The following PLSCR4 variants were observed in gnomAD, a reference collection of about 807,000 sequenced individuals.
PLSCR4 encodes Ca(2+)-dependent phospholipid scramblase 4.
PLSCR4 carries 25 observed loss-of-function variants against 36.3 expected under a neutral mutation model. The observed-to-expected ratio is 0.69, with a 90% CI of 0.50 to 0.96. PLSCR4 has a LOEUF of 0.96. Ranked by LOEUF, PLSCR4 falls within the 40% of genes least tolerant of loss-of-function variation. The probability of loss-of-function intolerance (pLI) is 0.00; values close to 1 mark genes in which losing one functional copy is unlikely to be tolerated. For missense variants in PLSCR4, 408 were observed against 414.7 expected (o/e 0.98, Z 0.14); for synonymous variants, 122 against 132.9 (o/e 0.92, Z 0.56).
chr3:146,211,125 A>C (rs796752103), intron 3 of PLSCR4, among the ~76,000 whole-genome samples: 4 of 152,162 alleles, frequency 2.6e-5, no homozygotes, highest in African/African-American at 9.6e-5. Flanking sequence ...TCCATTATTA[A>C]CTGCCAAACT....
chr3:146,231,052 T>C (rs558077116), intron 1 of PLSCR4, among the ~76,000 whole-genome samples: 6 of 152,110 alleles, frequency 3.9e-5, no homozygotes, highest in Admixed American at 3.3e-4. Context: ...TTGGTGTCTA[T>C]TGTTCTCCTC....
intron 6 of PLSCR4, among the ~76,000 whole-genome samples, chr3:146,197,351 G>A (rs1012654170): frequency 6.6e-6 from 1 of 152,146 alleles, no homozygotes; most frequent in African/African-American, 2.4e-5. Flanking sequence ...ACTTGGAGAT[G>A]AGGGGAACCT....
intron 4 of PLSCR4, among the ~76,000 whole-genome samples, 189 bp from the exon 5 acceptor site, chr3:146,201,266 G>A (rs1027670009): frequency 8.5e-5 from 13 of 152,096 alleles, no homozygotes; most frequent in African/African-American, 3.1e-4. Flanking sequence ...ATGGATATTA[G>A]CAGAGTTGTC....
Position 146,194,408 on chromosome 3 carries a change from T to C in PLSCR4, c.*3A>G. 1 of 1,605,516 alleles carries C rather than the reference T, an allele frequency of 6.2e-7. No individual in the cohort carries two copies. Among genetic ancestry groups the C allele is most frequent in the Non-Finnish European group, 8.5e-7 (1 of 1,172,482 alleles). ...ACCATAGTTGATGGCTTGCTGTGTC[T>C]CTCTATCTTGAACGTTGTGGTGGAG... On this transcript the variant is annotated 3_prime_UTR_variant, in exon 9 of 9. Transcript: ENST00000354952.
chr3:146,246,961 T>G (rs2036364257), intron 1 of PLSCR4, among the ~76,000 whole-genome samples: 1 of 152,192 alleles, frequency 6.6e-6, no homozygotes, highest in African/African-American at 2.4e-5. Flanking sequence ...AGATTTTTTT[T>G]CCTCCAATAG....
rs550029243 is a variant in PLSCR4 at position 146,207,143 on chromosome 3, C to T, written c.119-382G>A. 3.5e-4 allele frequency among the ~76,000 whole-genome samples: 54 copies of T among 152,196 alleles called. No individual in the cohort carries two copies. The South Asian group carries it at 0.011, about 30-fold the overall frequency. ...CGTATTAATTACTAACGTATAATTA[C>T]TAACATATAATTACTCCTGCAAATT... On this transcript the variant is annotated intron_variant, in intron 3 of 8. Coordinates refer to ENST00000354952, the MANE Select transcript of PLSCR4 (RefSeq NM_020353.3).
At chr3:146,229,180 A>C (rs949585400) in intron 1 of PLSCR4, among the ~76,000 whole-genome samples, 1 of 152,226 alleles carries the variant, frequency 6.6e-6, no homozygotes, top group African/African-American at 2.4e-5. Context: ...ATTTGCAAGT[A>C]ATAGCAGTGT....
rs142311556 is a variant in PLSCR4 at position 146,220,906 on chromosome 3, A to T, written c.27T>A (p.Pro9=). 3.4e-4 allele frequency: 556 copies of T among 1,612,976 alleles called. No homozygotes were observed. The African/African-American group carries it at 6.3e-3, about 18-fold the overall frequency. The stretch of plus-strand genomic sequence containing the variant: ...TTTCCATTTCACCTGCAGGCTGTTC[A>T]GGGGCTGTGGGTACCACACCTTCAG... MSGVVPTA[P]EQPAGEMENQ... The change falls in exon 3 of 9, where the codon CCT becomes CCA. Residue 9 remains proline, a synonymous_variant. Coordinates refer to ENST00000354952, the MANE Select transcript of PLSCR4 (RefSeq NM_020353.3).
At chr3:146,232,634 C>T (rs181622995) in intron 1 of PLSCR4, among the ~76,000 whole-genome samples, 3 of 152,154 alleles carry the variant, frequency 2.0e-5, no homozygotes, top group African/African-American at 7.2e-5. Context: ...TGATTTGGTT[C>T]CTGGTTTGGC....
chr3:146,196,721 A>T lies in PLSCR4; in HGVS notation c.697T>A (p.Tyr233Asn), dbSNP rs776853461. Residue 233 changes from tyrosine to asparagine, a missense_variant, in exon 7 of 9, where the codon TAC becomes AAC. Tyr to Asn is a moderately radical substitution (Grantham distance 143). Transcript: ENST00000354952. ...AEHWNLCRAV[Y>N]SIQNEKKENV... ...TCTTTCTTCTCATTTTGGATGCTGT[A>T]CACCGCCCTGCACAGGTTCCAATGT... 18 of 1,613,760 alleles carry T rather than the reference A, an allele frequency of 1.1e-5. No individual in the cohort carries two copies. The African/African-American group carries it at 2.3e-4, about 20-fold the overall frequency.
intron 1 of PLSCR4, among the ~76,000 whole-genome samples, chr3:146,232,801 C>T (rs1707716411): frequency 6.6e-6 from 1 of 152,170 alleles, no homozygotes; most frequent in Admixed American, 6.5e-5. Context: ...GTTTGACTTC[C>T]TCTCTTCCAA....
chr3:146,211,629 G>A (rs2108260833), intron 3 of PLSCR4, among the ~76,000 whole-genome samples: 1 of 152,114 alleles, frequency 6.6e-6, no homozygotes, highest in East Asian at 1.9e-4. Context: ...CCTAATCCAA[G>A]GACATAAATA....
chr3:146,221,698 T>C (rs1213001633), intron 2 of PLSCR4, among the ~76,000 whole-genome samples: 1 of 152,200 alleles, frequency 6.6e-6, no homozygotes, highest in African/African-American at 2.4e-5. Context: ...AGGCCTACTT[T>C]CATCCTCCTC....
At chr3:146,205,323 TTTC>T (rs2034265920) in intron 4 of PLSCR4, among the ~76,000 whole-genome samples, 1 of 151,986 alleles carries the variant, frequency 6.6e-6, no homozygotes, top group African/African-American at 2.4e-5. Context: ...TGCACAAATT[TTTC>T]TTTTCTTCTT....
At chr3:146,216,873 G>A (rs1275352409) in intron 3 of PLSCR4, among the ~76,000 whole-genome samples, 1 of 152,038 alleles carries the variant, frequency 6.6e-6, no homozygotes, top group South Asian at 2.1e-4. Flanking sequence ...GTGGTCTGGG[G>A]TCAACCAATA....
intron 1 of PLSCR4, among the ~76,000 whole-genome samples, chr3:146,224,439 T>C (rs1553753849): frequency 6.6e-6 from 1 of 151,974 alleles, no homozygotes; most frequent in Non-Finnish European, 1.5e-5. Context: ...CCGCGGACCC[T>C]CGCGGTGAGT....
At chr3:146,214,133 T>TCCTCTAAGCAC (rs2034775794) in intron 3 of PLSCR4, among the ~76,000 whole-genome samples, 543 of 9,808 alleles carry the variant, frequency 0.055, 135 homozygotes, top group Non-Finnish European at 0.076. Context: ...TTTTTTTTTT[T>TCCTCTAAGCAC]TTTTTTGAGA....
chr3:146,244,942 C>T (rs1214956973), intron 1 of PLSCR4, among the ~76,000 whole-genome samples: 3 of 152,006 alleles, frequency 2.0e-5, no homozygotes, highest in Admixed American at 2.0e-4. Flanking sequence ...ATTTTAGATA[C>T]CACTAAGAAC....
intron 1 of PLSCR4, among the ~76,000 whole-genome samples, chr3:146,248,978 A>T (rs1016727555): frequency 5.3e-5 from 8 of 152,260 alleles, no homozygotes; most frequent in Admixed American, 5.2e-4. Context: ...TGTGGCTAAC[A>T]GTATTCACTC....
Sources: gnomAD v4.1 joint callset for allele counts (sites outside exome capture counted in the v4.1 genomes callset) on GRCh38, gnomAD v4.1.1 for gene constraint, MANE v1.5 for transcripts, NCBI Gene and HGNC (gene_info 2026-07-23, HGNC 2026-07-21) for gene names.